IDE: variants seen among roughly 807,000 people sequenced by gnomAD.
IDE encodes insulin-degrading enzyme.
A neutral mutation model predicts 133.2 loss-of-function variants in IDE; 58 were observed. The observed-to-expected ratio is 0.44, with a 90% confidence interval of 0.35 to 0.54. The LOEUF (loss-of-function observed/expected upper bound fraction) is 0.54, where lower values mean the gene tolerates loss of function less well. Ranked by LOEUF, IDE falls within the 20% of genes least tolerant of loss-of-function variation. The pLI is 0.00. For synonymous variants in IDE, 396 were observed against 421.3 expected (o/e 0.94, Z 0.73); for missense variants, 981 against 1,234.0 (o/e 0.79, Z 3.07).
chr10:92,461,775 C>T (rs1845406603), intron 21 of IDE, among the ~76,000 whole-genome samples: 1 of 152,094 alleles, frequency 6.6e-6, no homozygotes, highest in Non-Finnish European at 1.5e-5. Context: ...TGCCATTCTC[C>T]TGCCTCAGTC....
chr10:92,555,878 G>C (rs1437037037), intron 1 of IDE, among the ~76,000 whole-genome samples: 1 of 152,098 alleles, frequency 6.6e-6, no homozygotes, highest in African/African-American at 2.4e-5. Flanking sequence ...GTACAAATTA[G>C]AAAGAAAAAA....
chr10:92,516,519 T>A (rs1348662937), intron 4 of IDE, among the ~76,000 whole-genome samples: 1 of 152,178 alleles, frequency 6.6e-6, no homozygotes, highest in East Asian at 1.9e-4. Context: ...TGTATCTATA[T>A]CTCCACTTCT....
Position 92,456,446 on chromosome 10 carries a change from G to C in IDE, c.2824-15C>G. 6.3e-7 allele frequency: 1 copy of C among 1,596,952 alleles called. No individual in the cohort carries two copies. On this transcript the variant is annotated splice_polypyrimidine_tract_variant and intron_variant, in intron 22 of 24. Transcript: ENST00000265986. Reference sequence around the variant, plus strand: ...GCCAACATTTCCTAGGCACAAAGAAGAGCAGGGTCACCCTTTTGCTCCACT... The same window carrying C: ...GCCAACATTTCCTAGGCACAAAGAACAGCAGGGTCACCCTTTTGCTCCACT...
chr10:92,534,464 CT>C (rs1850128508), intron 3 of IDE, 113 bp downstream of exon 3: 1 of 686,004 alleles, frequency 1.5e-6, no homozygotes, highest in African/African-American at 1.8e-5. Context: ...GGGAAAAACA[CT>C]GTTTAAAATA....
At chr10:92,485,733 A>T (rs942616262) in intron 13 of IDE, among the ~76,000 whole-genome samples, 1 of 152,148 alleles carries the variant, frequency 6.6e-6, no homozygotes, top group African/African-American at 2.4e-5. Context: ...ACTTGAGGCC[A>T]GGAGTTCTAG....
rs1847786529 is a variant in IDE, at chr10:92,497,660, A to G, written c.1431-7065T>C. ...AACTTGTCTCAGCGGGTATTAAAGA[A>G]GGTAATCTTACCCTTGAGCCACCCT... On this transcript the variant is annotated intron_variant, in intron 11 of 24. Coordinates refer to ENST00000265986, the MANE Select transcript of IDE (RefSeq NM_004969.4). The G allele has an allele frequency of 7.8e-6, 7 of 895,546 alleles. No individual in the cohort carries two copies. The South Asian group carries it at 2.1e-4, about 26-fold the overall frequency. 55.5% of individuals were successfully genotyped at this position (895,546 alleles called of 1,614,324 possible). A position where few individuals can be genotyped will look rare whatever the true frequency, so the allele number is the denominator to read the frequency against.
chr10:92,516,685 T>C (rs1460686775), intron 4 of IDE, among the ~76,000 whole-genome samples: 1 of 152,178 alleles, frequency 6.6e-6, no homozygotes, highest in East Asian at 1.9e-4. Flanking sequence ...ACTTGCCAAG[T>C]TACTTGTGGA....
chr10:92,481,533 T>C (rs1803988381), intron 14 of IDE, among the ~76,000 whole-genome samples: 1 of 152,252 alleles, frequency 6.6e-6, no homozygotes, highest in South Asian at 2.1e-4. Flanking sequence ...TCAACTGGGA[T>C]ACCTAAATTC....
chr10:92,568,998 AAG>A (rs1843675415), intron 1 of IDE, among the ~76,000 whole-genome samples: 1 of 152,142 alleles, frequency 6.6e-6, no homozygotes, highest in South Asian at 2.1e-4. Flanking sequence ...AATATTAAAT[AAG>A]AGAGTAAAAA....
rs551554895 is a variant in IDE, at chr10:92,460,862, GCA to G, written c.2823+327_2823+328del. Among the ~76,000 whole-genome samples, 474 of 152,240 alleles carry G rather than the reference GCA, an allele frequency of 3.1e-3. 4 individuals are homozygous for G. Among genetic ancestry groups the G allele is most frequent in the African/African-American group, 0.011 (453 of 41,546 alleles). On this transcript the variant is annotated intron_variant, in intron 22 of 24. Coordinates refer to ENST00000265986, the MANE Select transcript of IDE (RefSeq NM_004969.4). ...CAATAGGTGTTTTGGTTTTTTTGAG[GCA>G]CAGTTTCGCTCTGTCACCCAGACAG...
intron 5 of IDE, among the ~76,000 whole-genome samples, chr10:92,510,414 T>C (rs1380700589): frequency 6.6e-6 from 1 of 152,086 alleles, no homozygotes; most frequent in African/African-American, 2.4e-5. Context: ...TTTGGAAAAA[T>C]GACTATGATT....
intron 1 of IDE, among the ~76,000 whole-genome samples, chr10:92,571,173 G>A (rs775763822): frequency 6.6e-6 from 1 of 151,732 alleles, no homozygotes; most frequent in African/African-American, 2.4e-5. Flanking sequence ...CACCACGCCC[G>A]GCTAATTTTT....
At position 92,512,235 on chromosome 10, in the gene IDE, A is replaced by C. The variant is rs567074776; in HGVS notation, c.785-2073T>G. 1.3e-4 allele frequency among the ~76,000 whole-genome samples: 20 copies of C among 152,296 alleles called. No homozygotes were observed. In the East Asian group the frequency reaches 3.7e-3, roughly 28 times the overall value. On this transcript the variant is annotated intron_variant, in intron 5 of 24. Transcript: ENST00000265986. ...TCCCTTGTGACAGAGATCCTTCCAC[A>C]TGGTTACTCTTCCTCTCTCCTCCCG... is the stretch of plus-strand genomic sequence containing the variant.
chr10:92,474,667 G>A (rs929957054), intron 17 of IDE, 174 bp downstream of exon 17: 13 of 545,026 alleles, frequency 2.4e-5, no homozygotes, highest in African/African-American at 1.9e-4. Context: ...AAAAGTATAT[G>A]TTACTGTTAA....
At chr10:92,490,077 A>G (rs1204756734) in intron 12 of IDE, among the ~76,000 whole-genome samples, 1 of 152,242 alleles carries the variant, frequency 6.6e-6, no homozygotes, top group East Asian at 1.9e-4. Context: ...GGCATAAAAC[A>G]TAGCACCTCC....
chr10:92,560,555 C>G (rs145109649), intron 1 of IDE, among the ~76,000 whole-genome samples: 2 of 151,398 alleles, frequency 1.3e-5, no homozygotes, highest in East Asian at 3.9e-4. Flanking sequence ...GGCCCTAGCA[C>G]GTGGATCACC....
At chr10:92,564,859 C>G (rs1185880635) in intron 1 of IDE, among the ~76,000 whole-genome samples, 1 of 151,730 alleles carries the variant, frequency 6.6e-6, no homozygotes, top group East Asian at 1.9e-4. Flanking sequence ...GAGTTCAAGA[C>G]CAACCTCTGC....
intron 11 of IDE, among the ~76,000 whole-genome samples, chr10:92,499,326 G>A (rs961270704): frequency 2.6e-5 from 4 of 152,108 alleles, no homozygotes; most frequent in African/African-American, 4.8e-5. Flanking sequence ...TGGAATTACC[G>A]TAGAGATGAG....
intron 1 of IDE, among the ~76,000 whole-genome samples, chr10:92,560,944 C>T (rs1012521467): frequency 1.3e-5 from 2 of 151,868 alleles, no homozygotes; most frequent in South Asian, 2.1e-4. Context: ...GACAATAAGG[C>T]GAACTCAGGC....
Sources: allele counts gnomAD v4.1 joint callset (sites outside exome capture counted in the v4.1 genomes callset), GRCh38; gene constraint gnomAD v4.1.1; transcripts MANE v1.5; gene names NCBI Gene and HGNC (gene_info 2026-07-23, HGNC 2026-07-21).